Variants in TDRD6 observed in about 807,000 individuals in gnomAD.
TDRD6 encodes tudor domain containing 6.
A neutral mutation model predicts 157.5 loss-of-function variants in TDRD6; 186 were observed. That is an observed-to-expected ratio of 1.18 (90% CI 1.05 to 1.33). TDRD6 has a LOEUF of 1.33. TDRD6 is among the 40% of genes most tolerant of loss of function. TDRD6 has a pLI of 0.00. For synonymous variants in TDRD6, 1,075 were observed against 945.2 expected (o/e 1.14, Z -2.52); for missense variants, 3,066 against 2,508.0 (o/e 1.22, Z -4.75).
At position 46,693,923 on chromosome 6, in the gene TDRD6, A is replaced by G; in HGVS notation, c.5795A>G (p.Gln1932Arg). The G allele has an allele frequency of 1.2e-6, 2 of 1,614,152 alleles. No individual in the cohort carries two copies. The highest frequency in any genetic ancestry group is 2.2e-5 in the South Asian group (2 of 91,078). The change falls in exon 1 of 4, where the codon CAG becomes CGG. Residue 1932 changes from glutamine (Q) to arginine (R), a missense_variant. Coordinates refer to ENST00000316081, the MANE Select transcript of TDRD6 (RefSeq NM_001010870.3). ...PLSLGVSQKA[Q>R]ESMCTEDMRK... ...TCTTTAGGAGTTAGTCAGAAAGCAC[A>G]GGAATCCATGTGTACTGAGGACATG...
In TDRD6 at chr6:46,691,430, C is replaced by T; in HGVS notation, c.3302C>T (p.Ser1101Phe). 7 of 1,614,058 alleles carry T rather than the reference C, an allele frequency of 4.3e-6. No homozygotes were observed. Among genetic ancestry groups the T allele is most frequent in the Non-Finnish European group, 5.9e-6 (7 of 1,179,952 alleles). The change falls in exon 1 of 4, where the codon TCT becomes TTT. Residue 1101 changes from serine to phenylalanine, a missense_variant. By Grantham distance (155) the Ser-to-Phe change is radical (BLOSUM62 -2). Transcript: ENST00000316081. The part of the protein sequence containing the change: ...LPMQAVRCSL[S>F]DIPDHIPEEV... ...ATGCAAGCTGTCAGATGTTCATTAT[C>T]TGATATTCCTGATCATATACCAGAA...
At position 46,696,549 on chromosome 6, in the gene TDRD6, ATATGTGTGTG is replaced by A. The variant is rs1486506210; in HGVS notation, c.6171+606_6171+615del. On this transcript the variant is annotated intron_variant, in intron 2 of 3. Coordinates refer to ENST00000316081, the MANE Select transcript of TDRD6 (RefSeq NM_001010870.3). ...TGTATATATGTGTATATATATGTATATATGTGTGTGTGTGTGTGTGTGTGTGTGTGTGTAT... is the reference window on the plus strand; with the variant it reads ...TGTATATATGTGTATATATATGTATATGTGTGTGTGTGTGTGTGTGTGTAT... Among the ~76,000 whole-genome samples the A allele has an allele frequency of 1.1e-3, 70 of 65,130 alleles. 2 individuals are homozygous for A. Among genetic ancestry groups the A allele is most frequent in the African/African-American group, 4.2e-3 (52 of 12,416 alleles). The allele number at this position is 65,130 out of a possible 152,430, so 42.7% of individuals were successfully genotyped here.
upstream of TDRD6, among the ~76,000 whole-genome samples, chr6:46,684,563 A>T (rs1364999639): frequency 6.6e-6 from 1 of 152,132 alleles, no homozygotes; most frequent in African/African-American, 2.4e-5. Context: ...CTCCATCTCT[A>T]TAATTTTATT....
chr6:46,697,527 A>T (rs1362082274), intron 2 of TDRD6, among the ~76,000 whole-genome samples: 1 of 152,176 alleles, frequency 6.6e-6, no homozygotes, highest in Admixed American at 6.5e-5. Context: ...TGGGAAACTG[A>T]AGTAGCATGG....
At position 46,689,222 on chromosome 6, in the gene TDRD6, A is replaced by T; in HGVS notation, c.1094A>T (p.Glu365Val). Residue 365 changes from glutamate to valine, a missense_variant, in exon 1 of 4, where the codon GAA becomes GTA. By Grantham distance (121) the Glu-to-Val change is moderately radical. Coordinates refer to ENST00000316081, the MANE Select transcript of TDRD6 (RefSeq NM_001010870.3). ...AGCAGCCTTCGGTACTTGCTGCCTGAATATTTTCGAATGCCGGTGGTGACC... is the reference window on the plus strand; with the variant it reads ...AGCAGCCTTCGGTACTTGCTGCCTGTATATTTTCGAATGCCGGTGGTGACC... ...SCSSLRYLLP[E>V]YFRMPVVTYP... 6.2e-7 allele frequency: 1 copy of T among 1,614,116 alleles called. No individual in the cohort carries two copies. The highest frequency in any genetic ancestry group is 1.1e-5 in the South Asian group (1 of 91,076).
rs1764708087 is a variant in TDRD6, at chr6:46,704,293, T to C, written c.*2406T>C. The C allele has an allele frequency of 5.7e-6, 2 of 353,566 alleles. No individual in the cohort carries two copies. The highest frequency in any genetic ancestry group is 8.1e-5 in the South Asian group (2 of 24,680). The allele number at this position is 353,566 out of a possible 1,614,324, so 21.9% of individuals were successfully genotyped here. ...TTCGACACTGAAAAGGAATCATCTT[T>C]AAAATTAAAATTTAGGCTGATATGA... On this transcript the variant is annotated 3_prime_UTR_variant, in exon 4 of 4. Coordinates refer to ENST00000316081, the MANE Select transcript of TDRD6 (RefSeq NM_001010870.3).
Position 46,688,426 on chromosome 6 carries a change from G to T in TDRD6, c.298G>T (p.Asp100Tyr). 1 of 1,541,110 alleles carries T rather than the reference G, an allele frequency of 6.5e-7. No homozygotes were observed. The change falls in exon 1 of 4, where the codon GAC (aspartate) becomes TAC (tyrosine). Residue 100 changes from aspartate (D) to tyrosine (Y), a missense_variant. Physicochemically the swap from Asp to Tyr is radical, Grantham distance 160. Transcript: ENST00000316081. ...ACAGGAGAGCCGTGTCTTCCTGCTGGACGAGGGCCGCACCATCACGGCCGG... is the reference window on the plus strand; with the variant it reads ...ACAGGAGAGCCGTGTCTTCCTGCTGTACGAGGGCCGCACCATCACGGCCGG... The part of the protein sequence containing the change: ...QAQESRVFLL[D>Y]EGRTITAGAG...
Position 46,693,379 on chromosome 6 carries a change from G to C in TDRD6, c.5251G>C (p.Ala1751Pro), listed in dbSNP as rs139821992. The C allele has an allele frequency of 1.8e-4, 289 of 1,612,308 alleles. No homozygotes were observed. Among genetic ancestry groups the C allele is most frequent in the Non-Finnish European group, 2.4e-4 (279 of 1,179,628 alleles). ...IYMEQQTDEL[A>P]EITEKDVNII... The stretch of plus-strand genomic sequence containing the variant: ...TATGGAACAACAGACAGATGAGCTT[G>C]CTGAAATAACTGAAAAAGATGTAAA... The change falls in exon 1 of 4, where the codon GCT (alanine) becomes CCT (proline). Residue 1751 changes from alanine (A) to proline (P), a missense_variant. Coordinates refer to ENST00000316081, the MANE Select transcript of TDRD6 (RefSeq NM_001010870.3).
rs3799277 is a variant in TDRD6, at chr6:46,689,320, A to G, written c.1192A>G (p.Thr398Ala). ...TCGGTCACAGGTCGGTGACCTGAAG[A>G]CACTGATACTAGGCAAGGCAGTGAA... ...WSRSQVGDLKTLILGKAVNAK... is the reference protein window; with the variant it reads ...WSRSQVGDLKALILGKAVNAK... The change falls in exon 1 of 4, where the codon ACA becomes GCA. Residue 398 changes from threonine (T) to alanine (A), a missense_variant. Physicochemically the swap from Thr to Ala is moderately conservative, Grantham distance 58. Coordinates refer to ENST00000316081, the MANE Select transcript of TDRD6 (RefSeq NM_001010870.3). 0.82 allele frequency: 1,326,279 copies of G among 1,614,048 alleles called. 546,379 individuals are homozygous for G. Among genetic ancestry groups the G allele is most frequent in the African/African-American group, 0.96 (72,226 of 75,032 alleles).
In TDRD6 at chr6:46,687,967, C is replaced by T. The variant is rs946243097; in HGVS notation, c.-162C>T. On this transcript the variant is annotated 5_prime_UTR_variant, in exon 1 of 4. It adds an upstream start codon to the 5' untranslated region. Transcript: ENST00000316081. ...GGCGGGAGTCCCGGAGGACCCTCGA[C>T]GGGGGAGTTGCCGAGAAAAGGCCTC... The T allele has an allele frequency of 2.1e-5, 25 of 1,165,758 alleles. No homozygotes were observed. Among genetic ancestry groups the T allele is most frequent in the Non-Finnish European group, 2.7e-5 (24 of 882,550 alleles). 72.2% of individuals were successfully genotyped at this position (1,165,758 alleles called of 1,614,324 possible). A position where few individuals can be genotyped will look rare whatever the true frequency, so the allele number is the denominator to read the frequency against.
At chr6:46,694,642 A>G (rs1281374140) in intron 1 of TDRD6, among the ~76,000 whole-genome samples, 2 of 152,234 alleles carry the variant, frequency 1.3e-5, no homozygotes, top group Non-Finnish European at 2.9e-5. Context: ...GGGAAAATAT[A>G]TTGTGAAATC....
chr6:46,696,638 G>A lies in TDRD6; in HGVS notation c.6171+693G>A, dbSNP rs867263784. Among the ~76,000 whole-genome samples the A allele has an allele frequency of 1.4e-3, 119 of 84,546 alleles. 1 individual carries two copies. Among genetic ancestry groups the A allele is most frequent in the African/African-American group, 5.4e-3 (112 of 20,870 alleles). 55.5% of individuals were successfully genotyped at this position (84,546 alleles called of 152,430 possible). ...TTTTTTTTTTTTTTTTTGAGACAGG[G>A]TCTCACTCTGTCACCCAGGCTGGAG... On this transcript the variant is annotated intron_variant, in intron 2 of 3. Coordinates refer to ENST00000316081, the MANE Select transcript of TDRD6 (RefSeq NM_001010870.3).
Position 46,690,521 on chromosome 6 carries a change from T to C in TDRD6, c.2393T>C (p.Leu798Pro), listed in dbSNP as rs1490282248. 2 of 1,614,158 alleles carry C rather than the reference T, an allele frequency of 1.2e-6. No homozygotes were observed. Among genetic ancestry groups the C allele is most frequent in the Non-Finnish European group, 1.7e-6 (2 of 1,180,034 alleles). The change falls in exon 1 of 4, where the codon CTT (leucine) becomes CCT (proline). Residue 798 changes from leucine to proline, a missense_variant. Transcript: ENST00000316081. Reference protein sequence around the residue: ...WCQLTRNIQGLKTLMSDIQYY... With the variant: ...WCQLTRNIQGPKTLMSDIQYY... ...CAGCTGACCAGGAACATACAAGGAC[T>C]TAAAACTCTAATGTCTGATATTCAG...
rs1254049129 is a variant in TDRD6, at chr6:46,693,552, T to A, written c.5424T>A (p.Asp1808Glu). ...ECHLVDKAEF[D>E]DKYLITGFNT... ...ATCTGGTTGACAAAGCAGAGTTTGA[T>A]GATAAATACCTGATTACAGGATTTA... Residue 1808 changes from aspartate (D) to glutamate (E), a missense_variant, in exon 1 of 4, where the codon GAT (aspartate) becomes GAA (glutamate). Coordinates refer to ENST00000316081, the MANE Select transcript of TDRD6 (RefSeq NM_001010870.3). 6.2e-7 allele frequency: 1 copy of A among 1,614,114 alleles called. No individual in the cohort carries two copies. The highest frequency in any genetic ancestry group is 8.5e-7 in the Non-Finnish European group (1 of 1,179,964).
intron 1 of TDRD6, 134 bp downstream of exon 1, chr6:46,694,308 T>C (rs1582548965): frequency 1.7e-6 from 1 of 587,698 alleles, no homozygotes; most frequent in Non-Finnish European, 2.8e-6. Context: ...GCTCTAGTGA[T>C]TTTCCCACCT....
chr6:46,686,372 G>A (rs1764093025), upstream of TDRD6, among the ~76,000 whole-genome samples: 1 of 151,824 alleles, frequency 6.6e-6, no homozygotes, highest in South Asian at 2.1e-4. Flanking sequence ...TCCAGCACTG[G>A]CTAGGCATCG....
At chr6:46,696,542 T>C (rs1315051909) in intron 2 of TDRD6, among the ~76,000 whole-genome samples, 1 of 119,056 alleles carries the variant, frequency 8.4e-6, no homozygotes, top group East Asian at 2.4e-4. Context: ...TGTGTATATA[T>C]ATGTATATAT....
chr6:46,704,167 CTATGTT>C lies in TDRD6; in HGVS notation c.*2283_*2288del, dbSNP rs1184925840. 5.9e-5 allele frequency: 11 copies of C among 186,584 alleles called. No homozygotes were observed. The highest frequency in any genetic ancestry group is 1.1e-4 in the Non-Finnish European group (10 of 88,770). The allele number at this position is 186,584 out of a possible 1,614,324, so 11.6% of individuals were successfully genotyped here. On this transcript the variant is annotated 3_prime_UTR_variant, in exon 4 of 4. Coordinates refer to ENST00000316081, the MANE Select transcript of TDRD6 (RefSeq NM_001010870.3). ...AAAAGGCAAGAAATTGTTTTTTACTCTATGTTTAGGGAGTCTTGTATCATTGCAACA... is the reference window on the plus strand; with the variant it reads ...AAAAGGCAAGAAATTGTTTTTTACTCTAGGGAGTCTTGTATCATTGCAACA...
At position 46,693,429 on chromosome 6, in the gene TDRD6, C is replaced by T. The variant is rs1371517198; in HGVS notation, c.5301C>T (p.Asn1767=). Residue 1767 remains asparagine, a synonymous_variant, in exon 1 of 4, where the codon AAC becomes AAT. Coordinates refer to ENST00000316081, the MANE Select transcript of TDRD6 (RefSeq NM_001010870.3). The part of the protein sequence containing the change: ...DVNIIGTKPS[N]FRDPKTDNIC... ...ACATTATTGGAACCAAACCAAGTAA[C>T]TTCCGTGACCCTAAAACTGATAACA... 5 of 1,613,996 alleles carry T rather than the reference C, an allele frequency of 3.1e-6. No homozygotes were observed. Among genetic ancestry groups the T allele is most frequent in the African/African-American group, 2.7e-5 (2 of 74,928 alleles).
Sources: allele counts gnomAD v4.1 joint callset (sites outside exome capture counted in the v4.1 genomes callset), GRCh38; gene constraint gnomAD v4.1.1; transcripts MANE v1.5; gene names NCBI Gene and HGNC (gene_info 2026-07-23, HGNC 2026-07-21).